The following MASP2 variants were observed in gnomAD, a reference collection of about 807,000 sequenced individuals.
MASP2 encodes the protein mannan-binding lectin serine protease 2.
Under a neutral mutation model 57.1 loss-of-function variants are expected in MASP2, and 49 were observed. That is an observed-to-expected ratio of 0.86 (90% confidence interval 0.68 to 1.09). MASP2 has a LOEUF of 1.09. Among genes scored for constraint, MASP2 ranks in the 50% least tolerant of loss-of-function variants. The pLI is 0.00. For synonymous variants in MASP2, 379 were observed against 340.8 expected (o/e 1.11, Z -1.24); for missense variants, 900 against 874.8 (o/e 1.03, Z -0.36).
intron 4 of MASP2, 94 bp from the exon 5 acceptor site, chr1:11,043,629 G>T (rs898466058): frequency 8.3e-6 from 7 of 848,278 alleles, no homozygotes; most frequent in East Asian, 2.7e-5. Flanking sequence ...CAGGAAACTG[G>T]GACAGGGATG....
chr1:11,027,747 A>C, intron 10 of MASP2, 99 bp from the exon 11 acceptor site: 1 of 1,274,750 alleles, frequency 7.8e-7, no homozygotes, highest in Non-Finnish European at 1.1e-6. Context: ...GATGTCAACC[A>C]AAAATTATAT....
chr1:11,033,499 G>C (rs1348766582), intron 8 of MASP2, among the ~76,000 whole-genome samples: 3 of 151,844 alleles, frequency 2.0e-5, no homozygotes, highest in East Asian at 3.9e-4. Flanking sequence ...CAAAAACTTA[G>C]CCAGGTGTGG....
chr1:11,046,447 G>T, intron 3 of MASP2, 109 bp downstream of exon 3: 1 of 1,292,032 alleles, frequency 7.7e-7, no homozygotes, highest in Non-Finnish European at 1.1e-6. Context: ...CCTCTCCCCT[G>T]CCCTGGGAAA....
At chr1:11,037,998 T>C (rs912273028) in intron 6 of MASP2, among the ~76,000 whole-genome samples, 187 bp from the exon 7 acceptor site, 1 of 152,172 alleles carries the variant, frequency 6.6e-6, no homozygotes, top group African/African-American at 2.4e-5. Flanking sequence ...CAAATTAAGG[T>C]TTCTTGTTTT....
At chr1:11,038,731 A>T (rs919315390) in intron 6 of MASP2, among the ~76,000 whole-genome samples, 2 of 152,190 alleles carry the variant, frequency 1.3e-5, no homozygotes, top group African/African-American at 4.8e-5. Context: ...ATCTCCAGGG[A>T]CAGCCTTGGT....
intron 7 of MASP2, among the ~76,000 whole-genome samples, chr1:11,037,465 G>A (rs1352652169): frequency 6.6e-6 from 1 of 151,652 alleles, no homozygotes; most frequent in Non-Finnish European, 1.5e-5. Context: ...TTAAAGTTAA[G>A]TATAAAGAAA....
At position 11,027,629 on chromosome 1, in the gene MASP2, G is replaced by C; in HGVS notation, c.1317C>G (p.Arg439=). 6.2e-7 allele frequency: 1 copy of C among 1,611,070 alleles called. No homozygotes were observed. Among genetic ancestry groups the C allele is most frequent in the South Asian group, 1.1e-5 (1 of 90,734 alleles). ...CTCCATATATACGCCCTCCTGTTGT[G>C]CGGGCTGATAGTCCACAAACTGGAG... ...VCEPVCGLSA[R]TTGGRIYGGQ... Residue 439 remains arginine (R), a synonymous_variant, in exon 11 of 11, where the codon CGC becomes CGG. Transcript: ENST00000400897.
Position 11,026,743 on chromosome 1 carries a change from G to A in MASP2, c.*142C>T. The stretch of plus-strand genomic sequence containing the variant: ...ACTGGCAAGTGGAGAAATGACAGCA[G>A]CCTCACCTGGAGTCTGTTTTTTTGG... On this transcript the variant is annotated 3_prime_UTR_variant, in exon 11 of 11. Transcript: ENST00000400897. 6 of 582,658 alleles carry A rather than the reference G, an allele frequency of 1.0e-5. No homozygotes were observed. The highest frequency in any genetic ancestry group is 1.4e-5 in the Non-Finnish European group (5 of 365,322). The allele number at this position is 582,658 out of a possible 1,614,324, so 36.1% of individuals were successfully genotyped here. A position where few individuals can be genotyped will look rare whatever the true frequency, so the allele number is the denominator to read the frequency against.
intron 6 of MASP2, 49 bp from the exon 7 acceptor site, chr1:11,037,860 C>A (rs1032020865): frequency 4.6e-6 from 5 of 1,087,168 alleles, no homozygotes; most frequent in Middle Eastern, 2.0e-4. Flanking sequence ...TCTACAGCAG[C>A]CAAGACTGAA....
chr1:11,032,334 G>C (rs1643859503), intron 8 of MASP2, among the ~76,000 whole-genome samples: 1 of 152,112 alleles, frequency 6.6e-6, no homozygotes, highest in South Asian at 2.1e-4. Context: ...CGATTAGGCC[G>C]GGCCTGGTGG....
At chr1:11,043,721 C>G (rs1008226989) in intron 4 of MASP2, among the ~76,000 whole-genome samples, 186 bp from the exon 5 acceptor site, 1 of 152,088 alleles carries the variant, frequency 6.6e-6, no homozygotes, top group African/African-American at 2.4e-5. Flanking sequence ...ACCAAACGAC[C>G]CACCCGATGG....
rs1194503309 is a variant in MASP2 at position 11,046,586 on chromosome 1, T to C, written c.382A>G (p.Thr128Ala). Reference sequence around the variant, plus strand: ...GCTGCATAGAAGGCCTCGAACCCCGTGAACGGCTTCTCGTTGGAGTAGTCG... The same window carrying C: ...GCTGCATAGAAGGCCTCGAACCCCGCGAACGGCTTCTCGTTGGAGTAGTCG... ...RSDYSNEKPF[T>A]GFEAFYAAED... is the part of the protein sequence containing the mutation. The change falls in exon 3 of 11, where the codon ACG becomes GCG. Residue 128 changes from threonine to alanine, a missense_variant. Thr to Ala is a moderately conservative substitution (Grantham distance 58). Coordinates refer to ENST00000400897, the MANE Select transcript of MASP2 (RefSeq NM_006610.4). The C allele has an allele frequency of 3.1e-6, 5 of 1,613,748 alleles. No homozygotes were observed. The highest frequency in any genetic ancestry group is 1.6e-4 in the Middle Eastern group (1 of 6,084).
intron 10 of MASP2, chr1:11,029,634 C>CTTTTTTTTTTTTTTTTTTTT (rs551910712): frequency 1.2e-5 from 1 of 80,934 alleles, no homozygotes. Flanking sequence ...TTTTTAAAAT[C>CTTTTTTTTTTTTTTTTTTTT]TTTTTTTTTT....
Position 11,042,924 on chromosome 1 carries a change from T to C in MASP2, c.840A>G (p.Thr280=), listed in dbSNP as rs557850325. Residue 280 remains threonine (T), a synonymous_variant, in exon 6 of 11, where the codon ACA becomes ACG. Transcript: ENST00000400897. ...AGCCTGTGTGGTCTCCTGATTCATCTGTGACAAAGGTGATGGTCACCGTGT... is the reference window on the plus strand; with the variant it reads ...AGCCTGTGTGGTCTCCTGATTCATCCGTGACAAAGGTGATGGTCACCGTGT... The part of the protein sequence containing the change: ...KSNTVTITFV[T]DESGDHTGWK... The C allele has an allele frequency of 6.2e-7, 1 of 1,614,074 alleles. No homozygotes were observed. Among genetic ancestry groups the C allele is most frequent in the Non-Finnish European group, 8.5e-7 (1 of 1,179,950 alleles).
Position 11,046,680 on chromosome 1 carries a change from G to A in MASP2, c.288C>T (p.Asp96=). Residue 96 remains aspartate (D), a synonymous_variant, in exon 3 of 11, where the codon GAC becomes GAT. Transcript: ENST00000400897. The part of the protein sequence containing the change: ...LATLCGQEST[D]TERAPGKDTF... Reference sequence around the variant, plus strand: ...TGTCCTTGCCAGGGGCCCGCTCCGTGTCTGTGCTCTCCTGCCCGCACAGCG... The same window carrying A: ...TGTCCTTGCCAGGGGCCCGCTCCGTATCTGTGCTCTCCTGCCCGCACAGCG... 1 of 1,613,528 alleles carries A rather than the reference G, an allele frequency of 6.2e-7. No homozygotes were observed.
chr1:11,040,067 G>T (rs1446110437), intron 6 of MASP2, among the ~76,000 whole-genome samples: 1 of 151,592 alleles, frequency 6.6e-6, no homozygotes, highest in Non-Finnish European at 1.5e-5. Flanking sequence ...ATACATAGAA[G>T]GATGTGTAGG....
At chr1:11,044,761 TCCC>T in intron 4 of MASP2, 88 of 1,313,320 alleles carry the variant, frequency 6.7e-5, no homozygotes, top group East Asian at 9.5e-5. Context: ...CCCCGCCGCC[TCCC>T]GACCCTCCCA....
intron 6 of MASP2, 123 bp downstream of exon 6, chr1:11,042,752 C>G (rs1283094282): frequency 8.6e-7 from 1 of 1,156,392 alleles, no homozygotes; most frequent in South Asian, 1.5e-5. Context: ...TCAGACACCA[C>G]TAAACCTGGT....
intron 7 of MASP2, among the ~76,000 whole-genome samples, 154 bp downstream of exon 7, chr1:11,037,539 A>G (rs1638281727): frequency 6.6e-6 from 1 of 152,170 alleles, no homozygotes; most frequent in African/African-American, 2.4e-5. Flanking sequence ...TCCTCTGAAA[A>G]CTTATTTCTT....
Sources: allele counts gnomAD v4.1 joint callset (sites outside exome capture counted in the v4.1 genomes callset), GRCh38; gene constraint gnomAD v4.1.1; transcripts MANE v1.5; gene names NCBI Gene and HGNC (gene_info 2026-07-23, HGNC 2026-07-21).